Variants in RIF1 observed in about 807,000 individuals in gnomAD.
RIF1 encodes telomere-associated protein RIF1.
In RIF1, 45 loss-of-function variants were observed where a neutral mutation model predicts 247.1. The ratio of observed to expected loss-of-function variants is 0.18; its 90% CI spans 0.14 to 0.23. The LOEUF (loss-of-function observed/expected upper bound fraction) is 0.23. RIF1 is among the 10% of genes least tolerant of loss of function. RIF1 has a pLI of 1.00. For missense variants in RIF1, 2,967 were observed against 2,862.5 expected (o/e 1.04, Z -0.83); for synonymous variants, 1,087 against 978.8 (o/e 1.11, Z -2.06).
chr2:151,503,460 A>C (rs1461137377), intron 12 of RIF1: 1 of 1,524,870 alleles, frequency 6.6e-7, no homozygotes, highest in South Asian at 1.1e-5. Flanking sequence ...AATAATTAGA[A>C]TACCCAGAAA....
At chr2:151,506,484 T>G in intron 13 of RIF1, 1 of 502,318 alleles carries the variant, frequency 2.0e-6, no homozygotes, top group Non-Finnish European at 3.5e-6. Context: ...AAGATTGTGG[T>G]ATACCATACT....
chr2:151,439,972 C>CAAAAAAAAAAAA (rs1165450117), intron 14 of RIF1, 55 bp from the exon 15 acceptor site: 32 of 276,664 alleles, frequency 1.2e-4, no homozygotes, highest in Admixed American at 1.7e-4. Context: ...GACCCTGTCT[C>CAAAAAAAAAAAA]AAAAAAAAAA....
At chr2:151,444,616 G>A (rs1009742510) in intron 18 of RIF1, among the ~76,000 whole-genome samples, 2 of 152,240 alleles carry the variant, frequency 1.3e-5, no homozygotes, top group Middle Eastern at 3.4e-3. Flanking sequence ...TATAGTTAAC[G>A]TAGCCCTTGT....
rs747044642 is a variant in RIF1, at chr2:151,458,931, GTTCAT to G, written c.2955+24_2955+28del. Reference sequence around the variant, plus strand: ...ATGGAGTAAGTTGGGGGGTTTTATTGTTCATTTGTTTTTGGACATTTAAGTTATTT... The same window carrying G: ...ATGGAGTAAGTTGGGGGGTTTTATTGTTGTTTTTGGACATTTAAGTTATTT... On this transcript the variant is annotated intron_variant, in intron 25 of 35. Coordinates refer to ENST00000444746, the MANE Select transcript of RIF1 (RefSeq NM_018151.5). 5.7e-6 allele frequency: 8 copies of G among 1,408,128 alleles called. No homozygotes were observed. In the East Asian group the frequency reaches 1.9e-4, roughly 33 times the overall value. The allele number at this position is 1,408,128 out of a possible 1,614,324, so 87.2% of individuals were successfully genotyped here.
intron 34 of RIF1, among the ~76,000 whole-genome samples, chr2:151,471,535 T>A (rs1476726141): frequency 6.6e-6 from 1 of 152,224 alleles, no homozygotes; most frequent in Admixed American, 6.5e-5. Context: ...CCATCTTGAA[T>A]TAATTTTTGT....
chr2:151,484,704 A>G (rs570414306), downstream of RIF1, among the ~76,000 whole-genome samples: 3 of 152,228 alleles, frequency 2.0e-5, no homozygotes, highest in Non-Finnish European at 4.4e-5. Flanking sequence ...ATTTTTATCC[A>G]GTTTAAGGCA....
chr2:151,495,217 A>G (rs931210347), intron 9 of RIF1: 1 of 152,200 alleles, frequency 6.6e-6, no homozygotes, highest in Non-Finnish European at 1.5e-5. Context: ...CAACCTCGGT[A>G]TCTCCCCTCA....
chr2:151,492,507 A>G (rs748402585), intron 9 of RIF1: 2 of 1,581,070 alleles, frequency 1.3e-6, no homozygotes, highest in South Asian at 2.2e-5. Context: ...GATGCAGGAG[A>G]GACCGTGAAT....
the RIF1 span, chr2:151,533,438 T>C: frequency 6.5e-7 from 1 of 1,541,440 alleles, no homozygotes; most frequent in South Asian, 1.2e-5. Flanking sequence ...CCATCAGACA[T>C]TACCTGGCTC....
intron 19 of RIF1, 31 bp from the exon 20 acceptor site, chr2:151,446,395 A>T (rs752664992): frequency 3.1e-6 from 5 of 1,604,602 alleles, no homozygotes; most frequent in Non-Finnish European, 4.3e-6. Flanking sequence ...GTATATATTA[A>T]CAAAACTTCT....
At chr2:151,518,507 C>T in the RIF1 span, 1 of 822,116 alleles carries the variant, frequency 1.2e-6, no homozygotes, top group Admixed American at 2.1e-5. Flanking sequence ...GACGTTTACA[C>T]AGCACCATTG....
chr2:151,501,809 A>G (rs571443638), intron 11 of RIF1, among the ~76,000 whole-genome samples: 114 of 152,256 alleles, frequency 7.5e-4, no homozygotes, highest in African/African-American at 2.6e-3. Context: ...TGTTGGTAAC[A>G]TTAAATTAGG....
chr2:151,524,660 T>TGC, the RIF1 span: 1 of 1,226,244 alleles, frequency 8.2e-7, no homozygotes, highest in Admixed American at 2.4e-5. Context: ...GAGGCTTTTT[T>TGC]TTTTTTTTTT....
rs145736953 is a variant in RIF1, at chr2:151,435,310, C to A, written c.1078-153C>A. Among the ~76,000 whole-genome samples the A allele has an allele frequency of 2.3e-3, 352 of 152,240 alleles. 9 individuals carry two copies. In the East Asian group the frequency reaches 0.045, roughly 20 times the overall value. ...TACAGTTGTAATGTTCATATTTTTT[C>A]CAAATTCCACTTTTTAGCCTGTTTG... On this transcript the variant is annotated intron_variant, in intron 10 of 35. Transcript: ENST00000444746.
intron 3 of RIF1, 84 bp from the exon 4 acceptor site, chr2:151,414,737 ATG>A (rs1686898460): frequency 1.2e-6 from 1 of 826,326 alleles, no homozygotes; most frequent in Admixed American, 2.5e-5. Context: ...CATGATGAAT[ATG>A]CTTGTTCTGT....
At chr2:151,530,847 T>C in the RIF1 span, 1 of 591,920 alleles carries the variant, frequency 1.7e-6, no homozygotes. Flanking sequence ...ACTTACCGAA[T>C]CATGAGCAAA....
chr2:151,486,089 T>C (rs1333124817), downstream of RIF1, among the ~76,000 whole-genome samples: 2 of 152,174 alleles, frequency 1.3e-5, no homozygotes, highest in Non-Finnish European at 2.9e-5. Context: ...ACCCACAAAA[T>C]AGGAAATACT....
At position 151,446,531 on chromosome 2, in the gene RIF1, C is replaced by G. The variant is rs1293602630; in HGVS notation, c.2200C>G (p.Leu734Val). Reference protein sequence around the residue: ...TAEENLCCEELSSKIMSSLED... With the variant: ...TAEENLCCEEVSSKIMSSLED... ...AGAAGAGAACTTGTGCTGTGAGGAACTTTCTTCCAAGATAATGTCCAGTTT... is the reference window on the plus strand; with the variant it reads ...AGAAGAGAACTTGTGCTGTGAGGAAGTTTCTTCCAAGATAATGTCCAGTTT... Residue 734 changes from leucine to valine, a missense_variant, in exon 20 of 36, where the codon CTT (leucine) becomes GTT (valine). By Grantham distance (32) the Leu-to-Val change is conservative (BLOSUM62 1). This residue lies in a region of RIF1 where 76 missense variants were observed against 113.3 expected (regional missense o/e 0.67). Transcript: ENST00000444746. 6.2e-7 allele frequency: 1 copy of G among 1,613,164 alleles called. No individual in the cohort carries two copies. The highest frequency in any genetic ancestry group is 8.5e-7 in the Non-Finnish European group (1 of 1,179,896).
intron 20 of RIF1, among the ~76,000 whole-genome samples, chr2:151,451,198 A>G (rs1459629838): frequency 3.9e-5 from 6 of 152,214 alleles, no homozygotes; most frequent in African/African-American, 1.2e-4. Context: ...AGAACGTTAT[A>G]ATACGGTATT....
Sources: gnomAD v4.1 joint callset for allele counts (sites outside exome capture counted in the v4.1 genomes callset) on GRCh38, gnomAD v4.1.1 for gene constraint, gnomAD v4.1.1 regional missense constraint, MANE v1.5 for transcripts, NCBI Gene and HGNC (gene_info 2026-07-23, HGNC 2026-07-21) for gene names.